The following CLEC16A variants were observed in gnomAD, a reference collection of about 807,000 sequenced individuals.
CLEC16A encodes the protein protein CLEC16A.
Under a neutral mutation model 109.5 loss-of-function variants are expected in CLEC16A, and 51 were observed. That is an observed-to-expected ratio of 0.47 (90% confidence interval 0.37 to 0.59). The LOEUF is 0.59. Ranked by LOEUF, CLEC16A falls within the 20% of genes least tolerant of loss-of-function variation. The probability of loss-of-function intolerance (pLI) is 0.00; values close to 1 mark genes in which losing one functional copy is unlikely to be tolerated. For missense variants in CLEC16A, 1,339 were observed against 1,394.0 expected (o/e 0.96, Z 0.63); for synonymous variants, 673 against 564.2 (o/e 1.19, Z -2.73).
At chr16:11,113,571 A>C (rs140146234) in intron 19 of CLEC16A, among the ~76,000 whole-genome samples, 15 of 152,126 alleles carry the variant, frequency 9.9e-5, no homozygotes, top group African/African-American at 3.1e-4. Context: ...AGGTGAGAGG[A>C]TCACTCGAGC....
In CLEC16A at chr16:11,119,104, G is replaced by A. The variant is rs535185378; in HGVS notation, c.2117-1511G>A. ...GCAACTTCGCCTCTCAGGTTCAAGC[G>A]ATTCTCCACCTCAGCCTCCCGAGTA... On this transcript the variant is annotated intron_variant, in intron 19 of 23. Coordinates refer to ENST00000409790, the MANE Select transcript of CLEC16A (RefSeq NM_015226.3). Among the ~76,000 whole-genome samples, 203 of 152,248 alleles carry A rather than the reference G, an allele frequency of 1.3e-3. 1 individual carries two copies. Among genetic ancestry groups the A allele is most frequent in the African/African-American group, 4.5e-3 (189 of 41,546 alleles).
At chr16:10,949,521 T>C (rs2041613130) in intron 1 of CLEC16A, among the ~76,000 whole-genome samples, 1 of 152,048 alleles carries the variant, frequency 6.6e-6, no homozygotes, top group Non-Finnish European at 1.5e-5. Context: ...GCAGTGCACA[T>C]TGGCAGAACT....
rs200153672 is a variant in CLEC16A, at chr16:11,024,934, G to T, written c.1537+13G>T. 31 of 1,578,348 alleles carry T rather than the reference G, an allele frequency of 2.0e-5. No homozygotes were observed. Among genetic ancestry groups the T allele is most frequent in the African/African-American group, 2.7e-5 (2 of 74,276 alleles). The stretch of plus-strand genomic sequence containing the variant: ...TCTCATAATAAAGGTAAGCACCCTT[G>T]CCTTGCCTGACTTCCTTGCTGGGCC... On this transcript the variant is annotated intron_variant, in intron 13 of 23. Transcript: ENST00000409790.
At chr16:10,982,340 G>A (rs1044389001) in intron 9 of CLEC16A, among the ~76,000 whole-genome samples, 2 of 152,172 alleles carry the variant, frequency 1.3e-5, no homozygotes, top group East Asian at 1.9e-4. Flanking sequence ...ACCTCCTGAC[G>A]ATGCTGTGGA....
intron 20 of CLEC16A, among the ~76,000 whole-genome samples, 164 bp downstream of exon 20, chr16:11,120,930 C>T (rs756143303): frequency 2.0e-5 from 3 of 151,996 alleles, no homozygotes; most frequent in Non-Finnish European, 2.9e-5. Flanking sequence ...AGCTAAAATA[C>T]CACATAAATG....
Position 11,159,571 on chromosome 16 carries a change from T to G in CLEC16A, c.2642-6817T>G, listed in dbSNP as rs75182526. Among the ~76,000 whole-genome samples, 488 of 152,370 alleles carry G rather than the reference T, an allele frequency of 3.2e-3. 2 individuals carry two copies. The highest frequency in any genetic ancestry group is 5.1e-3 in the Non-Finnish European group (346 of 68,032). On this transcript the variant is annotated intron_variant, in intron 22 of 23. Transcript: ENST00000409790. ...TTTAGAAAAAATGTTTGAAAAGGGC[T>G]GTCATAGGGCGTTATCTTTGAGGAA...
At chr16:11,061,509 G>T (rs531118651) in intron 19 of CLEC16A, among the ~76,000 whole-genome samples, 3 of 152,336 alleles carry the variant, frequency 2.0e-5, no homozygotes, top group Non-Finnish European at 4.4e-5. Context: ...TGAGCTACTT[G>T]TTCCGCTGTG....
chr16:11,166,349 C>G (rs199590570), intron 22 of CLEC16A, 39 bp from the exon 23 acceptor site: 3 of 1,564,498 alleles, frequency 1.9e-6, no homozygotes, highest in Non-Finnish European at 2.6e-6. Context: ...CAGGCCTACT[C>G]TTTGCTTCCA....
At chr16:10,951,180 C>T (rs1348352506) in intron 1 of CLEC16A, among the ~76,000 whole-genome samples, 9 of 152,140 alleles carry the variant, frequency 5.9e-5, no homozygotes, top group African/African-American at 1.9e-4. Flanking sequence ...TTCTCTTCTC[C>T]AGGCATTTCA....
chr16:11,132,660 A>G (rs1280125816), intron 22 of CLEC16A, among the ~76,000 whole-genome samples: 1 of 152,198 alleles, frequency 6.6e-6, no homozygotes, highest in East Asian at 1.9e-4. Context: ...CATAGTCCTT[A>G]GCTTTAGCTG....
intron 22 of CLEC16A, among the ~76,000 whole-genome samples, chr16:11,161,564 G>A (rs1313756367): frequency 6.6e-6 from 1 of 152,204 alleles, no homozygotes; most frequent in Non-Finnish European, 1.5e-5. Context: ...TGGGGTTGTA[G>A]GAGGGCCTTG....
At chr16:11,115,881 A>G (rs1024980554) in intron 19 of CLEC16A, among the ~76,000 whole-genome samples, 2 of 151,310 alleles carry the variant, frequency 1.3e-5, no homozygotes, top group African/African-American at 4.8e-5. Context: ...ATTAAAACAT[A>G]TATATTATAA....
rs2052319443 is a variant in CLEC16A, at chr16:11,120,414, G to C, written c.2117-201G>C. ...TGCATTCTCTTTATTATCCAGATGA[G>C]GGATCTGAGGTCCAGAGAGGAAAAG... On this transcript the variant is annotated intron_variant, in intron 19 of 23. Coordinates refer to ENST00000409790, the MANE Select transcript of CLEC16A (RefSeq NM_015226.3). Among the ~76,000 whole-genome samples, 4 of 152,190 alleles carry C rather than the reference G, an allele frequency of 2.6e-5. No individual in the cohort carries two copies. The South Asian group carries it at 8.3e-4, about 31-fold the overall frequency.
intron 22 of CLEC16A, among the ~76,000 whole-genome samples, chr16:11,164,093 C>T (rs1265164123): frequency 2.0e-5 from 3 of 152,320 alleles, no homozygotes; most frequent in Non-Finnish European, 1.5e-5. Context: ...GACACACACA[C>T]ACACAATATA....
At chr16:10,971,972 G>A (rs1430741710) in intron 5 of CLEC16A, among the ~76,000 whole-genome samples, 2 of 152,162 alleles carry the variant, frequency 1.3e-5, no homozygotes, top group Non-Finnish European at 2.9e-5. Flanking sequence ...TGAGGGTGGG[G>A]GCTTCTCAGG....
At chr16:11,050,186 T>C (rs2047864579) in intron 17 of CLEC16A, among the ~76,000 whole-genome samples, 1 of 152,208 alleles carries the variant, frequency 6.6e-6, no homozygotes, top group South Asian at 2.1e-4. Context: ...AACTCACTCT[T>C]ATAACAAAGT....
rs747719152 is a variant in CLEC16A, at chr16:11,047,331, A to G, written c.1855A>G (p.Arg619Gly). 6.2e-7 allele frequency: 1 copy of G among 1,610,316 alleles called. No homozygotes were observed. Among genetic ancestry groups the G allele is most frequent in the East Asian group, 2.2e-5 (1 of 44,604 alleles). Residue 619 changes from arginine (R) to glycine (G), a missense_variant, in exon 17 of 24, where the codon AGG becomes GGG. Physicochemically the swap from Arg to Gly is moderately radical, Grantham distance 125. This residue lies in a region of CLEC16A where 1,061 missense variants were observed against 1,006.8 expected (regional missense o/e 1.05). Coordinates refer to ENST00000409790, the MANE Select transcript of CLEC16A (RefSeq NM_015226.3). Reference protein sequence around the residue: ...IFLDMFEDEYRSMTMKPMNVE... With the variant: ...IFLDMFEDEYGSMTMKPMNVE... ...TTTGGACATGTTTGAAGATGAGTAT[A>G]GGAGCATGACAGTAAGTGAGGGGCT...
chr16:11,136,107 A>C (rs2053545545), intron 22 of CLEC16A: 1 of 152,282 alleles, frequency 6.6e-6, no homozygotes, highest in African/African-American at 2.4e-5. Context: ...AGCAGAATGA[A>C]AGCACCCAGC....
rs373226647 is a variant in CLEC16A, at chr16:11,051,654, A to T, written c.1995+13A>T. 6.2e-7 allele frequency: 1 copy of T among 1,611,460 alleles called. No homozygotes were observed. Among genetic ancestry groups the T allele is most frequent in the South Asian group, 1.1e-5 (1 of 91,040 alleles). The stretch of plus-strand genomic sequence containing the variant: ...GAAGACCCGGCGGGTGAGTGAGCAC[A>T]GGACCTGTCATCTCCTGGGCCACTG... On this transcript the variant is annotated intron_variant, in intron 18 of 23. Coordinates refer to ENST00000409790, the MANE Select transcript of CLEC16A (RefSeq NM_015226.3).
Sources: gnomAD v4.1 joint callset for allele counts (sites outside exome capture counted in the v4.1 genomes callset) on GRCh38, gnomAD v4.1.1 for gene constraint, gnomAD v4.1.1 regional missense constraint, MANE v1.5 for transcripts, NCBI Gene and HGNC (gene_info 2026-07-23, HGNC 2026-07-21) for gene names.